GSTCD: variants seen among roughly 807,000 people sequenced by gnomAD.
GSTCD encodes the protein glutathione S-transferase C-terminal domain-containing protein.
Under a neutral mutation model 68.3 loss-of-function variants are expected in GSTCD, and 44 were observed. That is an observed-to-expected ratio of 0.64 (90% CI 0.51 to 0.83). The LOEUF is 0.83. Among genes scored for constraint, GSTCD ranks in the 40% least tolerant of loss-of-function variants. The pLI is 0.00. For missense variants in GSTCD, 739 were observed against 735.9 expected (o/e 1.00, Z -0.05); for synonymous variants, 273 against 255.2 (o/e 1.07, Z -0.67).
rs763281884 is a variant in GSTCD at position 105,717,963 on chromosome 4, A to G, written c.350A>G (p.Tyr117Cys). The G allele has an allele frequency of 6.2e-7, 1 of 1,614,094 alleles. No homozygotes were observed. The highest frequency in any genetic ancestry group is 8.5e-7 in the Non-Finnish European group (1 of 1,179,978). Residue 117 changes from tyrosine (Y) to cysteine (C), a missense_variant, in exon 2 of 12, where the codon TAT becomes TGT. Transcript: ENST00000515279. ...VVLRHIIQKS[Y>C]EADPLKKELL... ...TTGAGACACATAATCCAGAAATCCT[A>G]TGAAGCAGACCCCTTAAAGAAGGAA...
intron 5 of GSTCD, among the ~76,000 whole-genome samples, chr4:105,779,290 A>G (rs944353482): frequency 7.9e-5 from 12 of 152,076 alleles, no homozygotes; most frequent in African/African-American, 2.9e-4. Context: ...CTCAACTTGT[A>G]TTTGTCTGGT....
intron 5 of GSTCD, among the ~76,000 whole-genome samples, chr4:105,746,841 T>C (rs779616842): frequency 1.3e-5 from 2 of 152,158 alleles, no homozygotes; most frequent in Non-Finnish European, 2.9e-5. Flanking sequence ...GGAAAAAATA[T>C]AAAACAAGGT....
chr4:105,719,883 A>G (rs942750933), intron 3 of GSTCD, among the ~76,000 whole-genome samples: 2 of 152,112 alleles, frequency 1.3e-5, no homozygotes, highest in Non-Finnish European at 1.5e-5. Flanking sequence ...TAGAAGGTCC[A>G]AGTCGGCTCT....
At chr4:105,834,732 G>T in intron 9 of GSTCD, 138 bp downstream of exon 9, 1 of 698,998 alleles carries the variant, frequency 1.4e-6, no homozygotes, top group Non-Finnish European at 2.3e-6. Flanking sequence ...TTTGTAAATT[G>T]TATAAGGAAG....
intron 5 of GSTCD, among the ~76,000 whole-genome samples, chr4:105,764,655 CA>C (rs1249281452): frequency 6.6e-6 from 1 of 152,152 alleles, no homozygotes; most frequent in Non-Finnish European, 1.5e-5. Context: ...CCAGTCCTGT[CA>C]AATTAAGGCC....
intron 5 of GSTCD, among the ~76,000 whole-genome samples, chr4:105,754,968 C>T (rs961200036): frequency 8.6e-5 from 12 of 139,242 alleles, no homozygotes; most frequent in Non-Finnish European, 1.5e-4. Flanking sequence ...TCCTGTAATC[C>T]CAGCACTTTG....
At chr4:105,791,392 CAAAA>C (rs56388145) in intron 5 of GSTCD, among the ~76,000 whole-genome samples, 2 of 57,306 alleles carry the variant, frequency 3.5e-5, no homozygotes, top group East Asian at 5.4e-4. Flanking sequence ...GACTCCGTCT[CAAAA>C]AAAAAAAAAA....
intron 5 of GSTCD, among the ~76,000 whole-genome samples, chr4:105,756,522 A>G (rs1734199462): frequency 6.7e-6 from 1 of 149,470 alleles, no homozygotes. Context: ...ACACACACAC[A>G]CACACGTATA....
intron 5 of GSTCD, among the ~76,000 whole-genome samples, chr4:105,812,101 A>G (rs577267531): frequency 1.6e-4 from 25 of 152,222 alleles, no homozygotes; most frequent in Non-Finnish European, 2.8e-4. Flanking sequence ...GTTTCAAACC[A>G]TAAGAGGACA....
chr4:105,821,845 TATG>T (rs1253538422), intron 5 of GSTCD, among the ~76,000 whole-genome samples: 3 of 151,922 alleles, frequency 2.0e-5, no homozygotes, highest in African/African-American at 7.2e-5. Context: ...ATCGCTGAAT[TATG>T]ATGCTATAAA....
At chr4:105,799,814 C>CAAAA (rs5860815) in intron 5 of GSTCD, among the ~76,000 whole-genome samples, 1 of 116,506 alleles carries the variant, frequency 8.6e-6, no homozygotes, top group Non-Finnish European at 2.0e-5. Flanking sequence ...CACAGCGTTG[C>CAAAA]AAAAAAAAAA....
chr4:105,736,723 A>T (rs1190262313), intron 5 of GSTCD, among the ~76,000 whole-genome samples: 1 of 152,166 alleles, frequency 6.6e-6, no homozygotes, highest in African/African-American at 2.4e-5. Flanking sequence ...ATATCCATTA[A>T]CCAACTTCTG....
chr4:105,822,995 T>C lies in GSTCD; in HGVS notation c.1282T>C (p.Leu428=). 4 of 1,613,816 alleles carry C rather than the reference T, an allele frequency of 2.5e-6. No individual in the cohort carries two copies. The highest frequency in any genetic ancestry group is 3.4e-6 in the Non-Finnish European group (4 of 1,179,746). Residue 428 remains leucine (L), a synonymous_variant, in exon 6 of 12, where the codon TTG becomes CTG. Coordinates refer to ENST00000515279, the MANE Select transcript of GSTCD (RefSeq NM_001370181.1). ...TCGAGCTTTGAGGAAGCAGCAACAG[T>C]TGAACAACCTTGTCTATGTGGTAAC... ...SDRALRKQQQ[L]NNLVYVVTNQ...
chr4:105,744,071 A>G (rs1733726442), intron 5 of GSTCD, among the ~76,000 whole-genome samples: 2 of 152,234 alleles, frequency 1.3e-5, no homozygotes, highest in East Asian at 1.9e-4. Flanking sequence ...ATTTAGTTGC[A>G]TTAAGGTGAA....
At chr4:105,784,958 C>A (rs1460854693) in intron 5 of GSTCD, among the ~76,000 whole-genome samples, 1 of 152,084 alleles carries the variant, frequency 6.6e-6, no homozygotes. Flanking sequence ...CTGAAAGTAG[C>A]CTTTATTCCA....
intron 5 of GSTCD, among the ~76,000 whole-genome samples, chr4:105,794,375 CACT>C (rs1735790688): frequency 6.6e-6 from 1 of 151,862 alleles, no homozygotes; most frequent in South Asian, 2.1e-4. Flanking sequence ...GAATGTATAC[CACT>C]AAGAATGAAC....
At chr4:105,732,882 T>A (rs1733304104) in intron 5 of GSTCD, among the ~76,000 whole-genome samples, 1 of 152,254 alleles carries the variant, frequency 6.6e-6, no homozygotes, top group Admixed American at 6.5e-5. Flanking sequence ...GAGATTCTGT[T>A]ATGTTGTGTC....
chr4:105,709,187 T>A (rs1732427544), intron 1 of GSTCD, 171 bp downstream of exon 1: 1 of 152,364 alleles, frequency 6.6e-6, no homozygotes, highest in Non-Finnish European at 1.5e-5. Context: ...CAAACTCCTT[T>A]TTGGCCACTC....
chr4:105,720,592 G>C (rs1732830501), intron 3 of GSTCD, among the ~76,000 whole-genome samples: 1 of 152,208 alleles, frequency 6.6e-6, no homozygotes, highest in South Asian at 2.1e-4. Context: ...TATAAAAAGA[G>C]AGAGATCCAG....
Sources: gnomAD v4.1 joint callset for allele counts (sites outside exome capture counted in the v4.1 genomes callset) on GRCh38, gnomAD v4.1.1 for gene constraint, MANE v1.5 for transcripts, NCBI Gene and HGNC (gene_info 2026-07-23, HGNC 2026-07-21) for gene names.